SOX5: variants seen among roughly 807,000 people sequenced by gnomAD.
The protein encoded by SOX5 is transcription factor SOX-5.
In SOX5, 9 loss-of-function variants were observed where a neutral mutation model predicts 92.0. The ratio of observed to expected loss-of-function variants is 0.10; its 90% confidence interval spans 0.06 to 0.17. The LOEUF (loss-of-function observed/expected upper bound fraction) is 0.17. Among genes scored for constraint, SOX5 ranks in the 10% least tolerant of loss-of-function variants. SOX5 has a pLI of 1.00. For synonymous variants in SOX5, 344 were observed against 336.3 expected (o/e 1.02, Z -0.25); for missense variants, 642 against 944.5 (o/e 0.68, Z 4.20).
intron 6 of SOX5, among the ~76,000 whole-genome samples, chr12:23,704,687 C>CATATATATATATAT (rs376550773): frequency 0.094 from 8,376 of 88,788 alleles, 561 homozygotes; most frequent in Admixed American, 0.12. Flanking sequence ...TATATGCATG[C>CATATATATATATAT]ATATATATAT....
chr12:24,060,899 A>G (rs1939557208), intron 4 of SOX5, among the ~76,000 whole-genome samples: 1 of 152,218 alleles, frequency 6.6e-6, no homozygotes, highest in Admixed American at 6.5e-5. Flanking sequence ...GAGCCCTGTG[A>G]TCTGGTCATG....
intron 3 of SOX5, among the ~76,000 whole-genome samples, chr12:23,786,262 A>G (rs77352349): frequency 1.3e-5 from 2 of 152,008 alleles, no homozygotes; most frequent in Non-Finnish European, 2.9e-5. Flanking sequence ...TTAAAAAACA[A>G]ATTTTATATT....
chr12:24,417,130 T>C (rs1391135279), intron 1 of SOX5, among the ~76,000 whole-genome samples: 2 of 152,168 alleles, frequency 1.3e-5, no homozygotes, highest in Non-Finnish European at 2.9e-5. Context: ...GAACTGCCCA[T>C]TTGTGTAGAG....
At chr12:24,095,128 CAGAGAGAG>C (rs764681203) in intron 4 of SOX5, among the ~76,000 whole-genome samples, 14 of 90,230 alleles carry the variant, frequency 1.6e-4, no homozygotes, top group Admixed American at 8.9e-4. Context: ...CACACACACA[CAGAGAGAG>C]AGAGAGAGAG....
chr12:24,158,756 A>G (rs1009325716), intron 4 of SOX5, among the ~76,000 whole-genome samples: 4 of 151,910 alleles, frequency 2.6e-5, no homozygotes, highest in African/African-American at 9.7e-5. Flanking sequence ...TAGAGAAACA[A>G]AAGTCATTTT....
At chr12:24,136,068 A>G (rs1950079946) in intron 4 of SOX5, among the ~76,000 whole-genome samples, 1 of 152,144 alleles carries the variant, frequency 6.6e-6, no homozygotes, top group South Asian at 2.1e-4. Context: ...TCCCAAAGAG[A>G]TGGGTTAAGG....
chr12:24,396,975 C>T (rs575081807), intron 1 of SOX5, among the ~76,000 whole-genome samples: 1 of 152,306 alleles, frequency 6.6e-6, no homozygotes, highest in East Asian at 1.9e-4. Flanking sequence ...ATACTAATTA[C>T]ATTCATTTAT....
At chr12:24,549,903 T>G (rs1952986594) in intron 1 of SOX5, among the ~76,000 whole-genome samples, 1 of 152,100 alleles carries the variant, frequency 6.6e-6, no homozygotes, top group Non-Finnish European at 1.5e-5. Flanking sequence ...GATACTAGTT[T>G]GGGGAACTTG....
At chr12:24,118,998 T>C (rs1364897885) in intron 4 of SOX5, among the ~76,000 whole-genome samples, 1 of 152,138 alleles carries the variant, frequency 6.6e-6, no homozygotes, top group African/African-American at 2.4e-5. Context: ...GAAGTATCCC[T>C]TAACTATTTT....
At chr12:23,639,545 T>C (rs2079756082) in intron 8 of SOX5, among the ~76,000 whole-genome samples, 1 of 152,242 alleles carries the variant, frequency 6.6e-6, no homozygotes. Context: ...TTTCATGTTA[T>C]AGTTATTCCC....
At chr12:23,861,658 A>G (rs898609086) in intron 2 of SOX5, among the ~76,000 whole-genome samples, 9 of 152,180 alleles carry the variant, frequency 5.9e-5, no homozygotes, top group African/African-American at 1.9e-4. Flanking sequence ...AAGAGAATAC[A>G]AGCTCTATTT....
At chr12:23,797,043 T>C (rs1017180539) in intron 3 of SOX5, among the ~76,000 whole-genome samples, 3 of 151,378 alleles carry the variant, frequency 2.0e-5, no homozygotes, top group African/African-American at 7.3e-5. Context: ...CACGAGTCCA[T>C]CTCCAACGTA....
At chr12:23,930,399 G>A (rs1223189920) in intron 1 of SOX5, among the ~76,000 whole-genome samples, 1 of 151,714 alleles carries the variant, frequency 6.6e-6, no homozygotes, top group African/African-American at 2.4e-5. Context: ...TCAGGCTCAA[G>A]TAAACCTACA....
chr12:23,769,436 C>T (rs567513303), intron 3 of SOX5, among the ~76,000 whole-genome samples: 170 of 152,012 alleles, frequency 1.1e-3, no homozygotes, highest in African/African-American at 4.0e-3. Context: ...CTCTATGGGG[C>T]TACTACCAAA....
At chr12:24,481,172 C>G (rs936505160) in intron 1 of SOX5, among the ~76,000 whole-genome samples, 7 of 152,058 alleles carry the variant, frequency 4.6e-5, no homozygotes, top group African/African-American at 1.4e-4. Flanking sequence ...AAAAACATTG[C>G]ATATTCTCGC....
At chr12:24,184,631 G>A (rs1358442326) in intron 4 of SOX5, among the ~76,000 whole-genome samples, 4 of 152,024 alleles carry the variant, frequency 2.6e-5, no homozygotes, top group South Asian at 2.1e-4. Flanking sequence ...TACATGTAAC[G>A]TTTTGACTCT....
intron 6 of SOX5, among the ~76,000 whole-genome samples, chr12:23,730,316 C>T (rs1430397692): frequency 6.6e-6 from 1 of 151,982 alleles, no homozygotes; most frequent in South Asian, 2.1e-4. Context: ...TAGCTTGATA[C>T]AGTAAATTGA....
At chr12:24,201,520 T>C (rs1318348251) in intron 4 of SOX5, among the ~76,000 whole-genome samples, 1 of 152,242 alleles carries the variant, frequency 6.6e-6, no homozygotes, top group African/African-American at 2.4e-5. Flanking sequence ...TTTCCTCATC[T>C]ATAAAATATA....
chr12:24,042,548 T>C (rs1363356703), intron 4 of SOX5, among the ~76,000 whole-genome samples: 5 of 152,170 alleles, frequency 3.3e-5, no homozygotes, highest in Non-Finnish European at 7.4e-5. Flanking sequence ...AATGCAATTA[T>C]AGTGTCATCC....
Sources: allele counts gnomAD v4.1 joint callset (sites outside exome capture counted in the v4.1 genomes callset), GRCh38; gene constraint gnomAD v4.1.1; transcripts MANE v1.5; gene names NCBI Gene and HGNC (gene_info 2026-07-23, HGNC 2026-07-21).